Variants in PRKCE observed in about 807,000 individuals in gnomAD.
The protein encoded by PRKCE is protein kinase C epsilon type.
A neutral mutation model predicts 85.4 loss-of-function variants in PRKCE; 16 were observed. The ratio of observed to expected loss-of-function variants is 0.19; its 90% confidence interval spans 0.13 to 0.28. The LOEUF is 0.28. Among genes scored for constraint, PRKCE ranks in the 10% least tolerant of loss-of-function variants. PRKCE has a pLI of 1.00. For missense variants in PRKCE, 573 were observed against 975.2 expected, an observed-to-expected ratio of 0.59 and a Z score of 5.49; for synonymous variants, 388 against 371.5, an observed-to-expected ratio of 1.04 and a Z score of -0.51.
chr2:45,727,597 T>C (rs967071035), intron 1 of PRKCE, among the ~76,000 whole-genome samples: 3 of 152,224 alleles, frequency 2.0e-5, no homozygotes, highest in South Asian at 2.1e-4. Context: ...TTTAGTTTCT[T>C]GCCATTGCAT....
rs927356405 is a variant in PRKCE, at chr2:45,669,352, G to A, written c.348+16904G>A. On this transcript the variant is annotated intron_variant, in intron 1 of 14. Coordinates refer to ENST00000306156, the MANE Select transcript of PRKCE (RefSeq NM_005400.3). ...TTTAGACTAAGAAAGCCTCCTTTTC[G>A]CCTGGAGAATGAATTAGGCCCATCA... is the stretch of plus-strand genomic sequence containing the variant. Among the ~76,000 whole-genome samples the A allele has an allele frequency of 5.3e-5, 8 of 152,182 alleles. No individual in the cohort carries two copies. In the East Asian group the frequency reaches 5.8e-4, roughly 11 times the overall value.
At chr2:45,824,677 A>T (rs1038640208) in intron 1 of PRKCE, among the ~76,000 whole-genome samples, 1 of 152,106 alleles carries the variant, frequency 6.6e-6, no homozygotes, top group Admixed American at 6.5e-5. Context: ...AAAATAGAGC[A>T]GAATAATGGA....
At chr2:45,682,203 A>G (rs775208543) in intron 1 of PRKCE, among the ~76,000 whole-genome samples, 10 of 152,188 alleles carry the variant, frequency 6.6e-5, no homozygotes, top group Non-Finnish European at 1.2e-4. Context: ...GAACTTCATA[A>G]TATGATTTCT....
At chr2:45,721,727 A>G (rs1342814539) in intron 1 of PRKCE, among the ~76,000 whole-genome samples, 1 of 152,148 alleles carries the variant, frequency 6.6e-6, no homozygotes, top group Non-Finnish European at 1.5e-5. Flanking sequence ...AAATTAAAAA[A>G]TTAGCCAGGC....
rs372485088 is a variant in PRKCE at position 46,145,136 on chromosome 2, T to A, written c.1636T>A (p.Cys546Ser). The A allele has an allele frequency of 2.1e-5, 34 of 1,599,650 alleles. No homozygotes were observed. The highest frequency in any genetic ancestry group is 2.7e-5 in the Non-Finnish European group (32 of 1,179,968). Residue 546 changes from cysteine (C) to serine (S), a missense_variant, in exon 12 of 15, where the codon TGC (cysteine) becomes AGC (serine). Physicochemically the swap from Cys to Ser is moderately radical, Grantham distance 112. Transcript: ENST00000306156. The surrounding 1 kb of genome is among the most constrained non-coding windows in gnomAD (Gnocchi z 4.6). ...CATCCTTCTGGATGCAGAAGGTCACTGCAAGCTGGCTGACTTCGGGATGTG... is the reference window on the plus strand; with the variant it reads ...CATCCTTCTGGATGCAGAAGGTCACAGCAAGCTGGCTGACTTCGGGATGTG... Reference protein sequence around the residue: ...DNILLDAEGHCKLADFGMCKE... With the variant: ...DNILLDAEGHSKLADFGMCKE...
chr2:46,071,194 G>T (rs1432956200), intron 10 of PRKCE, among the ~76,000 whole-genome samples: 1 of 152,060 alleles, frequency 6.6e-6, no homozygotes, highest in Non-Finnish European at 1.5e-5. Context: ...AAATACCATC[G>T]AATAATGTTA....
At chr2:45,835,140 T>C (rs2105428479) in intron 1 of PRKCE, among the ~76,000 whole-genome samples, 1 of 152,236 alleles carries the variant, frequency 6.6e-6, no homozygotes, top group East Asian at 1.9e-4. Context: ...TCTGAATGAG[T>C]CCTTTTATTT....
chr2:46,120,196 C>G (rs1673173252), intron 11 of PRKCE, among the ~76,000 whole-genome samples: 1 of 152,204 alleles, frequency 6.6e-6, no homozygotes, highest in South Asian at 2.1e-4. Context: ...ACCATAGTCT[C>G]TTCACCTCCC....
chr2:46,085,340 G>T (rs536881701), intron 10 of PRKCE, among the ~76,000 whole-genome samples: 10 of 152,172 alleles, frequency 6.6e-5, no homozygotes, highest in Non-Finnish European at 1.2e-4. Context: ...TCACAGTCTT[G>T]ATTCCACATT....
chr2:45,959,835 C>T (rs2104411050), intron 2 of PRKCE, among the ~76,000 whole-genome samples: 1 of 152,282 alleles, frequency 6.6e-6, no homozygotes, highest in African/African-American at 2.4e-5. Flanking sequence ...TCTGTCACCT[C>T]CTTATGTTCC....
rs149251033 is a variant in PRKCE, at chr2:46,099,975, C to G, written c.1592+13613C>G. On this transcript the variant is annotated intron_variant, in intron 11 of 14. Coordinates refer to ENST00000306156, the MANE Select transcript of PRKCE (RefSeq NM_005400.3). ...GAGTTAGGAATTAGGGACTAGAACT[C>G]TAATAAAGCTCAGTCTTAGTTGGGT... 9.8e-4 allele frequency among the ~76,000 whole-genome samples: 150 copies of G among 152,292 alleles called. 1 individual carries two copies. Among genetic ancestry groups the G allele is most frequent in the African/African-American group, 3.4e-3 (143 of 41,560 alleles).
At chr2:46,098,355 C>G (rs1237247482) in intron 11 of PRKCE, among the ~76,000 whole-genome samples, 1 of 152,128 alleles carries the variant, frequency 6.6e-6, no homozygotes, top group East Asian at 1.9e-4. Context: ...TTGTGAGAAT[C>G]AAATGAGAGT....
intron 14 of PRKCE, among the ~76,000 whole-genome samples, chr2:46,165,797 C>T (rs1678279920): frequency 6.6e-6 from 1 of 152,210 alleles, no homozygotes; most frequent in South Asian, 2.1e-4. Flanking sequence ...CCCAGGGCTT[C>T]AGCACTGGAA....
intron 14 of PRKCE, among the ~76,000 whole-genome samples, chr2:46,174,579 T>C (rs1679241121): frequency 6.6e-6 from 1 of 152,314 alleles, no homozygotes; most frequent in African/African-American, 2.4e-5. Context: ...CTCAGCTTGC[T>C]GGGCTCCTCA....
chr2:46,075,538 T>G lies in PRKCE; in HGVS notation c.1438-10670T>G, dbSNP rs144759996. ...GGCAGATTGCTTGAGTCTAGGAGTTTGAGACCAGCCTGGGCCTGGGCAACA... is the reference window on the plus strand; with the variant it reads ...GGCAGATTGCTTGAGTCTAGGAGTTGGAGACCAGCCTGGGCCTGGGCAACA... On this transcript the variant is annotated intron_variant, in intron 10 of 14. Coordinates refer to ENST00000306156, the MANE Select transcript of PRKCE (RefSeq NM_005400.3). Among the ~76,000 whole-genome samples the G allele has an allele frequency of 2.8e-3, 427 of 151,920 alleles. 8 individuals carry two copies. The East Asian group carries it at 0.043, about 15-fold the overall frequency.
intron 1 of PRKCE, among the ~76,000 whole-genome samples, chr2:45,664,076 A>G (rs1368421558): frequency 6.6e-6 from 1 of 152,218 alleles, no homozygotes; most frequent in Non-Finnish European, 1.5e-5. Context: ...CACTAGTGAT[A>G]TATTGAAGTT....
At chr2:46,130,857 A>G (rs1674372528) in intron 11 of PRKCE, among the ~76,000 whole-genome samples, 1 of 152,236 alleles carries the variant, frequency 6.6e-6, no homozygotes, top group Admixed American at 6.5e-5. Context: ...GCAAATGCCA[A>G]ATGTGGGTCT....
chr2:45,730,478 G>A (rs1406205503), intron 1 of PRKCE, among the ~76,000 whole-genome samples: 20 of 131,214 alleles, frequency 1.5e-4, no homozygotes, highest in East Asian at 6.8e-4. Flanking sequence ...TTTTTTTCCC[G>A]AGACAGAGTC....
intron 6 of PRKCE, among the ~76,000 whole-genome samples, chr2:45,995,903 A>T (rs1704175482): frequency 6.6e-6 from 1 of 152,194 alleles, no homozygotes; most frequent in South Asian, 2.1e-4. Flanking sequence ...ATCCATAAAT[A>T]ACTTGCTGGG....
Sources: gnomAD v4.1 joint callset for allele counts (sites outside exome capture counted in the v4.1 genomes callset) on GRCh38, gnomAD v4.1.1 for gene constraint, Gnocchi (gnomAD v3.1) non-coding constraint, MANE v1.5 for transcripts, NCBI Gene and HGNC (gene_info 2026-07-23, HGNC 2026-07-21) for gene names.